DUT: variants seen among roughly 807,000 people sequenced by gnomAD.
DUT encodes deoxyuridine triphosphatase, also known as deoxyuridine 5'-triphosphate nucleotidohydrolase, mitochondrial.
DUT carries 21 observed loss-of-function variants against 28.8 expected under a neutral mutation model. The ratio of observed to expected loss-of-function variants is 0.73; its 90% CI spans 0.52 to 1.05. DUT has a LOEUF of 1.05. Among genes scored for constraint, DUT ranks in the 50% least tolerant of loss-of-function variants. The pLI, the probability that DUT is intolerant of heterozygous loss-of-function variation, is 0.00. For synonymous variants in DUT, 147 were observed against 143.7 expected, an observed-to-expected ratio of 1.02 and a Z score of -0.17; for missense variants, 344 against 351.8, an observed-to-expected ratio of 0.98 and a Z score of 0.18.
Position 48,332,420 on chromosome 15 carries a change from TG to T in DUT, c.419+15del. The T allele has an allele frequency of 6.5e-7, 1 of 1,529,150 alleles. No individual in the cohort carries two copies. Among genetic ancestry groups the T allele is most frequent in the East Asian group, 2.4e-5 (1 of 42,384 alleles). The allele number at this position is 1,529,150 out of a possible 1,614,324, so 94.7% of individuals were successfully genotyped here. ...CGACCTGTACAGGTGAGCGGGGACC[TG>T]CCGGCGAGGAGGCTGGGAAGGGCCG... is the stretch of plus-strand genomic sequence containing the variant. On this transcript the variant is annotated intron_variant, in intron 2 of 6. Transcript: ENST00000331200.
At chr15:48,334,569 T>C in intron 3 of DUT, 61 bp downstream of exon 3, 1 of 1,295,804 alleles carries the variant, frequency 7.7e-7, no homozygotes, top group Non-Finnish European at 1.1e-6. Context: ...AGATTCTTCA[T>C]GTTTCATTTG....
chr15:48,332,089 C>A, intron 1 of DUT, 179 bp from the exon 2 acceptor site: 1 of 1,321,234 alleles, frequency 7.6e-7, no homozygotes, highest in Non-Finnish European at 9.8e-7. Flanking sequence ...AATGTGAATC[C>A]CGCCTCCCCT....
At chr15:48,334,102 T>G (rs1236358121) in intron 2 of DUT, among the ~76,000 whole-genome samples, 3 of 152,222 alleles carry the variant, frequency 2.0e-5, no homozygotes, top group Non-Finnish European at 2.9e-5. Context: ...CGCTGATAAG[T>G]ACCTCAGTTT....
In DUT at chr15:48,342,115, T is replaced by C. The variant is rs1394002464; in HGVS notation, c.*37T>C. On this transcript the variant is annotated 3_prime_UTR_variant, in exon 7 of 7. Coordinates refer to ENST00000331200, the MANE Select transcript of DUT (RefSeq NM_001025248.2). ...AGAACAGAAAACAAGAAGTCATACCTTTTTCTTAAAAAAAAAAAAAAAGTT... is the reference window on the plus strand; with the variant it reads ...AGAACAGAAAACAAGAAGTCATACCCTTTTCTTAAAAAAAAAAAAAAAGTT... The C allele has an allele frequency of 7.3e-7, 1 of 1,378,640 alleles. No individual in the cohort carries two copies. The highest frequency in any genetic ancestry group is 9.8e-7 in the Non-Finnish European group (1 of 1,025,584). The allele number at this position is 1,378,640 out of a possible 1,614,324, so 85.4% of individuals were successfully genotyped here. A position where few individuals can be genotyped will look rare whatever the true frequency, so the allele number is the denominator to read the frequency against.
rs7175137 is a variant in DUT, at chr15:48,336,004, T to C, written c.512-42T>C. 7.3e-3 allele frequency: 11,388 copies of C among 1,560,192 alleles called. 245 individuals are homozygous for C. The highest frequency in any genetic ancestry group is 0.07 in the African/African-American group (5,109 of 73,192). On this transcript the variant is annotated intron_variant, in intron 3 of 6. Coordinates refer to ENST00000331200, the MANE Select transcript of DUT (RefSeq NM_001025248.2). ...GCATCAGTTATCTCTGATATAGCCC[T>C]TCCCCCTTAAAATAACCAATGTCTC...
Position 48,331,749 on chromosome 15 carries a change from GA to G in DUT, c.236del (p.Lys79ArgfsTer76). On this transcript the variant is annotated frameshift_variant, in exon 1 of 7. Transcript: ENST00000331200. LOFTEE classifies it high-confidence loss of function. ...GASTVGAAGW[K>X]GELPKAGGSP... ...CCAGTACAGTCGGGGCCGCTGGCTG[GA>G]AGGGCGAGCTTCCTAAGGCGGGGGG... The G allele has an allele frequency of 7.0e-7, 1 of 1,424,434 alleles. No homozygotes were observed. The allele number at this position is 1,424,434 out of a possible 1,614,324, so 88.2% of individuals were successfully genotyped here.
At chr15:48,340,656 C>G (rs1259523440) in intron 4 of DUT, among the ~76,000 whole-genome samples, 1 of 151,944 alleles carries the variant, frequency 6.6e-6, no homozygotes, top group East Asian at 1.9e-4. Flanking sequence ...ATTAATTACA[C>G]AAAAAAAGTT....
intron 5 of DUT, 37 bp downstream of exon 5, chr15:48,341,400 A>C: frequency 6.3e-7 from 1 of 1,578,402 alleles, no homozygotes; most frequent in Non-Finnish European, 8.7e-7. Context: ...ATTTTAGTGA[A>C]TTTTCAGAGT....
intron 1 of DUT, 106 bp downstream of exon 1, chr15:48,331,901 G>T (rs1158845429): frequency 2.7e-5 from 20 of 730,718 alleles, no homozygotes; most frequent in Non-Finnish European, 3.6e-5. Context: ...GCGGGGGGCG[G>T]GGGGGGTGGG....
In DUT at chr15:48,336,069, A is replaced by G. The variant is rs778967652; in HGVS notation, c.535A>G (p.Lys179Glu). 1.9e-6 allele frequency: 3 copies of G among 1,604,276 alleles called. No homozygotes were observed. Among genetic ancestry groups the G allele is most frequent in the Admixed American group, 1.8e-5 (1 of 56,936 alleles). The change falls in exon 4 of 7, where the codon AAA becomes GAA. Residue 179 changes from lysine (K) to glutamate (E), a missense_variant. Transcript: ENST00000331200. ...RVAPRSGLAA[K>E]HFIDVGAGVI... ...AGCTCCACGGTCAGGCTTGGCTGCAAAACACTTTATTGATGTAGGAGGTAA... is the reference window on the plus strand; with the variant it reads ...AGCTCCACGGTCAGGCTTGGCTGCAGAACACTTTATTGATGTAGGAGGTAA...
chr15:48,333,859 C>T (rs1411285664), intron 2 of DUT, among the ~76,000 whole-genome samples: 1 of 152,280 alleles, frequency 6.6e-6, no homozygotes, highest in East Asian at 1.9e-4. Context: ...CCGTTTTTCT[C>T]CTTTCCTTCT....
intron 1 of DUT, 66 bp downstream of exon 1, chr15:48,331,861 GA>G: frequency 1.1e-6 from 1 of 908,564 alleles, no homozygotes; most frequent in East Asian, 7.6e-5. Flanking sequence ...GGCTGTGGGG[GA>G]AGTAGGGTGG....
rs1192612925 is a variant in DUT, at chr15:48,331,675, C to T, written c.160C>T (p.Pro54Ser). 6.5e-7 allele frequency: 1 copy of T among 1,532,990 alleles called. No individual in the cohort carries two copies. Among genetic ancestry groups the T allele is most frequent in the South Asian group, 1.2e-5 (1 of 82,274 alleles). 95.0% of individuals were successfully genotyped at this position (1,532,990 alleles called of 1,614,324 possible). ...PLGRAAQHGI[P>S]RPLSSAGRLS... ...CGGCCGCGCCGCGCAGCACGGGATT[C>T]CCCGGCCGCTGTCCAGCGCTGGCCG... Residue 54 changes from proline (P) to serine (S), a missense_variant, in exon 1 of 7, where the codon CCC (proline) becomes TCC (serine). Pro to Ser is a moderately conservative substitution (Grantham distance 74). Transcript: ENST00000331200.
chr15:48,333,348 AAGT>A (rs1377499469), intron 2 of DUT, among the ~76,000 whole-genome samples: 1 of 152,174 alleles, frequency 6.6e-6, no homozygotes, highest in Non-Finnish European at 1.5e-5. Context: ...TGATGAATAA[AAGT>A]AGAGTGATAT....
chr15:48,336,252 T>C (rs530703944), intron 4 of DUT, among the ~76,000 whole-genome samples, 162 bp downstream of exon 4: 9 of 152,306 alleles, frequency 5.9e-5, no homozygotes, highest in African/African-American at 2.2e-4. Context: ...TAAGTAATTA[T>C]ATTTTGTTTA....
chr15:48,340,816 C>T (rs1784427109), intron 4 of DUT, among the ~76,000 whole-genome samples: 1 of 152,186 alleles, frequency 6.6e-6, no homozygotes, highest in Admixed American at 6.5e-5. Flanking sequence ...ATTTGCAAGA[C>T]TGCTGCTTAA....
intron 2 of DUT, 73 bp from the exon 3 acceptor site, chr15:48,334,344 C>A: frequency 9.8e-7 from 1 of 1,022,972 alleles, no homozygotes; most frequent in Non-Finnish European, 1.4e-6. Flanking sequence ...ATTTTGTATG[C>A]TTGGTCACAA....
intron 1 of DUT, 154 bp downstream of exon 1, chr15:48,331,949 C>G: frequency 1.1e-6 from 1 of 918,214 alleles, no homozygotes; most frequent in Non-Finnish European, 1.5e-6. Flanking sequence ...GGGCGGCTTT[C>G]TAGTGTGTGA....
At chr15:48,332,058 CGA>C in intron 1 of DUT, 1 of 1,183,188 alleles carries the variant, frequency 8.5e-7, no homozygotes, top group Non-Finnish European at 1.1e-6. Context: ...ACCTGCTTTC[CGA>C]GAAGGGCTTC....
Sources: allele counts gnomAD v4.1 joint callset (sites outside exome capture counted in the v4.1 genomes callset), GRCh38; gene constraint gnomAD v4.1.1; transcripts MANE v1.5; gene names NCBI Gene and HGNC (gene_info 2026-07-23, HGNC 2026-07-21).